DYNC1I1: variants seen among roughly 807,000 people sequenced by gnomAD.
DYNC1I1 encodes the protein cytoplasmic dynein 1 intermediate chain 1.
Under a neutral mutation model 86.6 loss-of-function variants are expected in DYNC1I1, and 43 were observed. The observed-to-expected ratio is 0.50, with a 90% CI of 0.39 to 0.64. DYNC1I1 has a LOEUF of 0.64. Ranked by LOEUF, DYNC1I1 falls within the 30% of genes least tolerant of loss-of-function variation. The pLI is 0.00. For synonymous variants in DYNC1I1, 262 were observed against 283.7 expected (o/e 0.92, Z 0.77); for missense variants, 604 against 788.8 (o/e 0.77, Z 2.81).
chr7:95,938,235 T>C (rs537642520), intron 6 of DYNC1I1, among the ~76,000 whole-genome samples: 1 of 152,340 alleles, frequency 6.6e-6, no homozygotes, highest in African/African-American at 2.4e-5. Context: ...TTGCATATCT[T>C]TGCTCACTGA....
chr7:96,098,332 C>G lies in DYNC1I1; in HGVS notation c.*739C>G. 1.0e-6 allele frequency: 1 copy of G among 985,714 alleles called. No homozygotes were observed. Among genetic ancestry groups the G allele is most frequent in the Non-Finnish European group, 1.2e-6 (1 of 829,932 alleles). 61.1% of individuals were successfully genotyped at this position (985,714 alleles called of 1,614,324 possible). ...TAACAATATTTCAAATATCATTGAC[C>G]ACTAATACTTCTCACTGAAGCTAAC... is the stretch of plus-strand genomic sequence containing the variant. On this transcript the variant is annotated 3_prime_UTR_variant, in exon 17 of 17. Transcript: ENST00000447467.
chr7:96,043,316 A>G (rs553682980), intron 14 of DYNC1I1, among the ~76,000 whole-genome samples: 1 of 152,300 alleles, frequency 6.6e-6, no homozygotes, highest in African/African-American at 2.4e-5. Flanking sequence ...AATACACAAT[A>G]CCACCTTTGA....
intron 16 of DYNC1I1, 65 bp from the exon 17 acceptor site, chr7:96,097,418 G>C (rs17719879): frequency 0.024 from 38,515 of 1,580,064 alleles, 2,186 homozygotes; most frequent in East Asian, 0.23. Context: ...CAGTCATTCA[G>C]GCTTCAAGGC....
intron 7 of DYNC1I1, among the ~76,000 whole-genome samples, chr7:95,984,216 G>A (rs182696820): frequency 6.6e-6 from 1 of 152,272 alleles, no homozygotes; most frequent in East Asian, 1.9e-4. Flanking sequence ...TTTGTTCCAT[G>A]TGTTTGTTTA....
chr7:95,982,197 A>G (rs1239071238), intron 7 of DYNC1I1, among the ~76,000 whole-genome samples: 1 of 152,186 alleles, frequency 6.6e-6, no homozygotes, highest in Non-Finnish European at 1.5e-5. Flanking sequence ...AATATTGTTT[A>G]TGACTTTTAA....
intron 9 of DYNC1I1, among the ~76,000 whole-genome samples, chr7:95,992,287 G>C (rs2157920): frequency 0.35 from 53,805 of 151,916 alleles, 10,589 homozygotes; most frequent in Middle Eastern, 0.46. Context: ...TTCCTATAGA[G>C]AAGAGCCTAT....
intron 4 of DYNC1I1, among the ~76,000 whole-genome samples, chr7:95,824,188 C>T (rs1020315118): frequency 6.0e-5 from 9 of 150,304 alleles, no homozygotes; most frequent in African/African-American, 2.0e-4. Context: ...TGCAGAGTTT[C>T]GTCGTGTCGC....
At chr7:95,992,990 T>A (rs1793768751) in intron 9 of DYNC1I1, among the ~76,000 whole-genome samples, 1 of 152,158 alleles carries the variant, frequency 6.6e-6, no homozygotes, top group Admixed American at 6.5e-5. Context: ...GGTAAAATTC[T>A]CCTAGGGTAA....
At chr7:96,032,511 C>T (rs1443213948) in intron 11 of DYNC1I1, among the ~76,000 whole-genome samples, 156 bp from the exon 12 acceptor site, 1 of 152,156 alleles carries the variant, frequency 6.6e-6, no homozygotes, top group Non-Finnish European at 1.5e-5. Flanking sequence ...AGAAAGAAAT[C>T]AGGTTCAAAT....
At chr7:95,942,190 A>G (rs1400063729) in intron 6 of DYNC1I1, among the ~76,000 whole-genome samples, 1 of 152,208 alleles carries the variant, frequency 6.6e-6, no homozygotes, top group East Asian at 1.9e-4. Flanking sequence ...TAAAGGGAAT[A>G]TCACCACCGA....
At position 96,037,892 on chromosome 7, in the gene DYNC1I1, C is replaced by T. The variant is rs74900458; in HGVS notation, c.1365-1385C>T. On this transcript the variant is annotated intron_variant, in intron 13 of 16. Transcript: ENST00000447467. ...GGCTTTGTAGTCATTCTAAATGGGT[C>T]ATATAGGTCTATGGGGGAGAAGCAG... Among the ~76,000 whole-genome samples, 177 of 152,224 alleles carry T rather than the reference C, an allele frequency of 1.2e-3. 1 individual carries two copies. Among genetic ancestry groups the T allele is most frequent in the African/African-American group, 3.9e-3 (164 of 41,536 alleles).
chr7:96,089,564 A>G (rs892901004), intron 16 of DYNC1I1, among the ~76,000 whole-genome samples: 5 of 151,990 alleles, frequency 3.3e-5, no homozygotes, highest in Non-Finnish European at 1.5e-5. Flanking sequence ...CTTCCCCCCA[A>G]TCTCTTTCCC....
At chr7:95,891,142 A>G (rs1397397655) in intron 6 of DYNC1I1, among the ~76,000 whole-genome samples, 5 of 152,240 alleles carry the variant, frequency 3.3e-5, no homozygotes, top group Admixed American at 6.5e-5. Context: ...CCATGTGAAA[A>G]AAACAGGGAG....
intron 3 of DYNC1I1, 196 bp from the exon 4 acceptor site, chr7:95,813,051 C>A (rs1387182898): frequency 8.2e-7 from 1 of 1,223,694 alleles, no homozygotes; most frequent in East Asian, 2.5e-5. Context: ...ATTTTAATTT[C>A]CAAAATACAA....
chr7:96,033,085 AC>A (rs1427738596), intron 12 of DYNC1I1, among the ~76,000 whole-genome samples: 3 of 152,208 alleles, frequency 2.0e-5, no homozygotes, highest in Non-Finnish European at 4.4e-5. Flanking sequence ...CACTTACCCT[AC>A]AGCATTGTTG....
intron 16 of DYNC1I1, among the ~76,000 whole-genome samples, chr7:96,085,375 T>C (rs1218675251): frequency 3.3e-5 from 5 of 152,134 alleles, no homozygotes; most frequent in East Asian, 1.9e-4. Flanking sequence ...CTTTTTTTTT[T>C]CTTTTTGTTA....
At chr7:95,793,411 G>C (rs1199301882) in intron 1 of DYNC1I1, among the ~76,000 whole-genome samples, 1 of 152,060 alleles carries the variant, frequency 6.6e-6, no homozygotes, top group Non-Finnish European at 1.5e-5. Context: ...ACCTCCCAAA[G>C]ACAGCAGCAT....
chr7:96,009,007 A>G (rs908410211), intron 10 of DYNC1I1, among the ~76,000 whole-genome samples: 18 of 152,172 alleles, frequency 1.2e-4, no homozygotes, highest in African/African-American at 3.9e-4. Flanking sequence ...ATGTTGCTTC[A>G]TAACATCAAA....
At chr7:95,959,323 A>G (rs1178443801) in intron 6 of DYNC1I1, among the ~76,000 whole-genome samples, 2 of 152,248 alleles carry the variant, frequency 1.3e-5, no homozygotes, top group South Asian at 2.1e-4. Context: ...TCTTCCAGCA[A>G]CATTGGAAGG....
Sources: allele counts gnomAD v4.1 joint callset (sites outside exome capture counted in the v4.1 genomes callset), GRCh38; gene constraint gnomAD v4.1.1; transcripts MANE v1.5; gene names NCBI Gene and HGNC (gene_info 2026-07-23, HGNC 2026-07-21).